The following TEX11 variants were observed in gnomAD, a reference collection of about 807,000 sequenced individuals.
TEX11 encodes testis-expressed protein 11.
Under a neutral mutation model 84.4 loss-of-function variants are expected in TEX11, and 7 were observed. The observed-to-expected ratio is 0.08, with a 90% CI of 0.05 to 0.16. TEX11 has a LOEUF of 0.16. TEX11 is among the 10% of genes least tolerant of loss of function. The pLI, the probability that TEX11 is intolerant of heterozygous loss-of-function variation, is 1.00. For synonymous variants in TEX11, 264 were observed against 222.8 expected (o/e 1.18, Z -1.64); for missense variants, 551 against 660.5 (o/e 0.83, Z 1.82).
intron 13 of TEX11, among the ~76,000 whole-genome samples, chrX:70,711,458 C>A (rs1353576622): frequency 9.1e-6 from 1 of 109,354 alleles, no homozygotes; most frequent in Non-Finnish European, 1.9e-5. Flanking sequence ...CTGTTGTTTC[C>A]TGACTTTTTA....
At chrX:70,512,407 C>T in the TEX11 span, among the ~76,000 whole-genome samples, 1 of 107,285 alleles carries the variant, frequency 9.3e-6, no homozygotes, top group Non-Finnish European at 1.9e-5. Context: ...TTAGTAGCGA[C>T]GGGGTTTCAC....
intron 17 of TEX11, among the ~76,000 whole-genome samples, chrX:70,634,430 G>A (rs1178682799): frequency 8.9e-6 from 1 of 111,838 alleles, no homozygotes; most frequent in Non-Finnish European, 1.9e-5. Context: ...AACAAAGTTG[G>A]GGTTCAAATT....
At chrX:70,906,883 C>T (rs186793026) in intron 2 of TEX11, among the ~76,000 whole-genome samples, 2 of 112,033 alleles carry the variant, frequency 1.8e-5, no homozygotes, top group East Asian at 2.8e-4. Flanking sequence ...CATTTCTTAC[C>T]ACATATTTCA....
chrX:70,648,879 C>T (rs931122103), intron 17 of TEX11, among the ~76,000 whole-genome samples: 10 of 110,146 alleles, frequency 9.1e-5, no homozygotes, highest in African/African-American at 3.3e-4. Flanking sequence ...CCTCCCCGCC[C>T]CCAACAGGCC....
At chrX:70,650,892 C>A (rs1035589688) in intron 17 of TEX11, among the ~76,000 whole-genome samples, 3 of 111,706 alleles carry the variant, frequency 2.7e-5, no homozygotes, top group Non-Finnish European at 3.8e-5. Context: ...TGTGCCCATG[C>A]AGACACACCA....
At chrX:70,798,965 CAACAAA>C (rs926541863) in intron 9 of TEX11, among the ~76,000 whole-genome samples, 8 of 110,781 alleles carry the variant, frequency 7.2e-5, no homozygotes, top group African/African-American at 2.6e-4. Context: ...AAAGTACAGA[CAACAAA>C]AACAAAAATA....
intron 16 of TEX11, among the ~76,000 whole-genome samples, chrX:70,659,475 G>A (rs1053524834): frequency 8.9e-6 from 1 of 111,940 alleles, no homozygotes; most frequent in African/African-American, 3.2e-5. Flanking sequence ...CTGGTCATTA[G>A]GGAAATGCAA....
chrX:70,616,542 T>C (rs768413655), intron 20 of TEX11, among the ~76,000 whole-genome samples: 1 of 111,154 alleles, frequency 9.0e-6, no homozygotes, highest in Non-Finnish European at 1.9e-5. Flanking sequence ...AAGGAAGAGA[T>C]AGTCAGTACA....
chrX:70,809,742 G>A (rs1439020542), intron 8 of TEX11, among the ~76,000 whole-genome samples: 1 of 110,774 alleles, frequency 9.0e-6, no homozygotes, highest in Non-Finnish European at 1.9e-5. Context: ...CGTCGCCCAG[G>A]CTGGAGTGCA....
Position 70,727,543 on chromosome X carries a change from T to C in TEX11, c.844-2200A>G, listed in dbSNP as rs369500311. ...AAACACCATCCTGAATTTTGTGCAG[T>C]AATTCCCTTGCTTTTCTTTATATAT... On this transcript the variant is annotated intron_variant, in intron 11 of 29. Transcript: ENST00000374333. 8.9e-5 allele frequency among the ~76,000 whole-genome samples: 10 copies of C among 112,099 alleles called. No individual in the cohort carries two copies. In the East Asian group the frequency reaches 1.7e-3, roughly 19 times the overall value.
At chrX:70,546,596 A>G (rs2088128472) in intron 28 of TEX11, among the ~76,000 whole-genome samples, 1 of 111,767 alleles carries the variant, frequency 8.9e-6, no homozygotes, top group Non-Finnish European at 1.9e-5. Context: ...ATTTATCCAA[A>G]CACAATACAC....
At chrX:70,903,966 A>ACAC (rs1225724024) in intron 2 of TEX11, among the ~76,000 whole-genome samples, 3 of 97,448 alleles carry the variant, frequency 3.1e-5, no homozygotes, top group Non-Finnish European at 6.0e-5. Context: ...CAGGCATGCA[A>ACAC]CACCACATCC....
chrX:70,834,937 G>A (rs780487988), intron 7 of TEX11, among the ~76,000 whole-genome samples: 88 of 110,773 alleles, frequency 7.9e-4, no homozygotes, highest in African/African-American at 2.7e-3. Flanking sequence ...TATAAACAAC[G>A]TAAGACACCA....
intron 18 of TEX11, among the ~76,000 whole-genome samples, chrX:70,629,217 T>A (rs1468266618): frequency 1.8e-5 from 2 of 112,144 alleles, no homozygotes; most frequent in Non-Finnish European, 3.8e-5. Flanking sequence ...TCTAAACTAA[T>A]ACTATTTTGT....
chrX:70,670,442 G>A lies in TEX11; in HGVS notation c.1315C>T (p.Leu439=), dbSNP rs148392671. ...LRFYSTDEMD[L]DFTKLQRNMA... ...TTCCTCTGCAGCTTGGTGAAGTCCA[G>A]ATCCATTTCATCAGTTGAATAAAAC... The change falls in exon 16 of 30, where the codon CTG becomes TTG. Residue 439 remains leucine (L), a synonymous_variant. Coordinates refer to ENST00000374333, the MANE Select transcript of TEX11 (RefSeq NM_031276.3). 20 of 1,208,549 alleles carry A rather than the reference G, an allele frequency of 1.7e-5. No individual in the cohort carries two copies. Among genetic ancestry groups the A allele is most frequent in the Non-Finnish European group, 2.0e-5 (18 of 894,493 alleles).
intron 11 of TEX11, among the ~76,000 whole-genome samples, chrX:70,736,717 C>T (rs1482036572): frequency 9.0e-6 from 1 of 111,418 alleles, no homozygotes; most frequent in Non-Finnish European, 1.9e-5. Flanking sequence ...TTACATCTGG[C>T]TGATGCCAAT....
At chrX:70,686,004 T>C (rs1603220031) in intron 13 of TEX11, among the ~76,000 whole-genome samples, 1 of 111,658 alleles carries the variant, frequency 9.0e-6, no homozygotes, top group East Asian at 2.8e-4. Context: ...AAAAATTTTT[T>C]CTCATTCTGT....
At chrX:70,638,594 T>G (rs189139545) in intron 17 of TEX11, among the ~76,000 whole-genome samples, 1 of 110,249 alleles carries the variant, frequency 9.1e-6, no homozygotes, top group Admixed American at 9.7e-5. Flanking sequence ...GAGGTCAGAA[T>G]TTTGAGACCA....
chrX:70,623,960 ATTCCGGCAT>A lies in TEX11; in HGVS notation c.1732_1740del (p.Met578_Glu580del), dbSNP rs1167656965. 8.3e-7 allele frequency: 1 copy of A among 1,203,204 alleles called. No homozygotes were observed. Among genetic ancestry groups the A allele is most frequent in the Non-Finnish European group, 1.1e-6 (1 of 891,532 alleles). On this transcript the variant is annotated inframe_deletion, in exon 20 of 30. Coordinates refer to ENST00000374333, the MANE Select transcript of TEX11 (RefSeq NM_031276.3). ...GTTGAAATAACTCACTTATCTTCAG[ATTCCGGCAT>A]TTCAGCAATTTTTGGAAGAAGAAAA...
Sources: gnomAD v4.1 joint callset for allele counts (sites outside exome capture counted in the v4.1 genomes callset) on GRCh38, gnomAD v4.1.1 for gene constraint, MANE v1.5 for transcripts, NCBI Gene and HGNC (gene_info 2026-07-23, HGNC 2026-07-21) for gene names.